Variants in ABCA12 observed in about 807,000 individuals in gnomAD.
The protein encoded by ABCA12 is glucosylceramide transporter ABCA12.
ABCA12 carries 156 observed loss-of-function variants against 293.5 expected under a neutral mutation model. The ratio of observed to expected loss-of-function variants is 0.53; its 90% CI spans 0.47 to 0.61. The LOEUF (loss-of-function observed/expected upper bound fraction) is 0.61, where lower values mean the gene tolerates loss of function less well. Among genes scored for constraint, ABCA12 ranks in the 20% least tolerant of loss-of-function variants. The probability of loss-of-function intolerance (pLI) is 0.00; values close to 1 mark genes in which losing one functional copy is unlikely to be tolerated. For missense variants in ABCA12, 2,797 were observed against 3,090.2 expected, an observed-to-expected ratio of 0.91 and a Z score of 2.25; for synonymous variants, 1,063 against 1,108.0, an observed-to-expected ratio of 0.96 and a Z score of 0.81.
chr2:214,937,514 A>G lies in ABCA12; in HGVS notation c.7538T>C (p.Leu2513Ser). 6.2e-7 allele frequency: 1 copy of G among 1,612,288 alleles called. No individual in the cohort carries two copies. Among genetic ancestry groups the G allele is most frequent in the East Asian group, 2.2e-5 (1 of 44,854 alleles). ...CACCCAGCCATCATCACTTACTTTT[A>G]AGTATGTTTTTGGAAAGTGCAGCTG... ...FMQLHFPKTY[L>S]KDQHLSMLEY... is the part of the protein sequence containing the mutation. The change falls in exon 51 of 53, where the codon TTA becomes TCA. Residue 2513 changes from leucine to serine, a missense_variant. Physicochemically the swap from Leu to Ser is moderately radical, Grantham distance 145. This residue lies in a region of ABCA12 where 2,130 missense variants were observed against 2,427.0 expected (regional missense o/e 0.88). Transcript: ENST00000272895.
chr2:215,011,449 G>A lies in ABCA12; in HGVS notation c.2322C>T (p.Pro774=), dbSNP rs1353098326. The A allele has an allele frequency of 1.9e-6, 3 of 1,608,426 alleles. No individual in the cohort carries two copies. Among genetic ancestry groups the A allele is most frequent in the Admixed American group, 3.3e-5 (2 of 59,938 alleles). ...KEQIASKYGI[P]INSTPFCFSL... is the part of the protein sequence containing the mutation. ...TTAAAGTATACTCACTGGAATTTAT[G>A]GGAATTCCATATTTTGAAGCAATTT... Residue 774 remains proline (P), a synonymous_variant, in exon 17 of 53, where the codon CCC becomes CCT. Coordinates refer to ENST00000272895, the MANE Select transcript of ABCA12 (RefSeq NM_173076.3).
At chr2:215,041,202 T>G (rs1701093189) in intron 7 of ABCA12, among the ~76,000 whole-genome samples, 1 of 151,968 alleles carries the variant, frequency 6.6e-6, no homozygotes, top group African/African-American at 2.4e-5. Context: ...CAGTTAAAAA[T>G]AAATAAAAAG....
At chr2:215,125,414 T>C (rs1702901271) in intron 1 of ABCA12, among the ~76,000 whole-genome samples, 1 of 152,230 alleles carries the variant, frequency 6.6e-6, no homozygotes, top group Non-Finnish European at 1.5e-5. Context: ...ATAATATTTA[T>C]TCTACCCATC....
In ABCA12 at chr2:214,989,457, T is replaced by C. The variant is rs202043787; in HGVS notation, c.3701A>G (p.Gln1234Arg). The C allele has an allele frequency of 5.6e-6, 9 of 1,613,658 alleles. No homozygotes were observed. In the African/African-American group the frequency reaches 8.0e-5, roughly 14 times the overall value. ...CGGGGAGGTGTACATATTTTCCCAC[T>C]GAAGACCTAAAAAGTGAACACAAGT... ...ARYEEQGIGL[Q>R]WENMYTSPVQ... The change falls in exon 26 of 53, where the codon CAG becomes CGG. Residue 1234 changes from glutamine (Q) to arginine (R), a missense_variant. This residue lies in a region of ABCA12 where 2,130 missense variants were observed against 2,427.0 expected (regional missense o/e 0.88). Coordinates refer to ENST00000272895, the MANE Select transcript of ABCA12 (RefSeq NM_173076.3).
chr2:215,092,892 C>T (rs1702176052), intron 2 of ABCA12, among the ~76,000 whole-genome samples: 1 of 152,216 alleles, frequency 6.6e-6, no homozygotes, highest in Non-Finnish European at 1.5e-5. Context: ...TTCGCTTTCA[C>T]TTGGACTGAC....
chr2:214,971,004 T>G (rs1699374731), intron 36 of ABCA12, among the ~76,000 whole-genome samples: 1 of 152,164 alleles, frequency 6.6e-6, no homozygotes, highest in Non-Finnish European at 1.5e-5. Context: ...AGAGTTCCTG[T>G]GTACCCTGGT....
chr2:215,005,488 G>A (rs1350584225), intron 19 of ABCA12, among the ~76,000 whole-genome samples: 1 of 152,214 alleles, frequency 6.6e-6, no homozygotes, highest in Non-Finnish European at 1.5e-5. Context: ...CATAGCTGCT[G>A]AGGGTTCTAA....
intron 18 of ABCA12, 23 bp downstream of exon 18, chr2:215,010,308 A>G: frequency 1.2e-6 from 2 of 1,613,300 alleles, no homozygotes; most frequent in Admixed American, 1.7e-5. Context: ...GTCAAAATAG[A>G]AACTGAGTTA....
At chr2:214,948,975 A>C in intron 46 of ABCA12, 65 bp downstream of exon 46, 1 of 1,398,796 alleles carries the variant, frequency 7.1e-7, no homozygotes, top group African/African-American at 1.4e-5. Context: ...TTAAATGTTC[A>C]TTTCAATTAT....
chr2:214,968,868 T>A, intron 37 of ABCA12, 61 bp from the exon 38 acceptor site: 1 of 1,471,786 alleles, frequency 6.8e-7, no homozygotes, highest in Non-Finnish European at 9.5e-7. Context: ...TAAATAGATC[T>A]AAAATACTTA....
At chr2:215,071,309 A>G (rs1701734321) in intron 2 of ABCA12, among the ~76,000 whole-genome samples, 1 of 152,120 alleles carries the variant, frequency 6.6e-6, no homozygotes, top group South Asian at 2.1e-4. Context: ...ATTTCATACA[A>G]GCTCCATGAC....
intron 2 of ABCA12, chr2:215,085,316 G>A (rs1443966884): frequency 1.3e-5 from 2 of 152,190 alleles, no homozygotes; most frequent in Middle Eastern, 3.4e-3. Flanking sequence ...AAAAAGATTT[G>A]GTGATAGGTT....
rs1276870263 is a variant in ABCA12 at position 214,957,825 on chromosome 2, G to A, written c.6117+452C>T. 6.6e-5 allele frequency among the ~76,000 whole-genome samples: 10 copies of A among 152,098 alleles called. 1 individual carries two copies. Among genetic ancestry groups the A allele is most frequent in the Non-Finnish European group, 1.3e-4 (9 of 68,020 alleles). Reference sequence around the variant, plus strand: ...TGTCATTAGCAGGGGCTACTACTTCGCATTTTCCACTATTAGTTGATTAAA... The same window carrying A: ...TGTCATTAGCAGGGGCTACTACTTCACATTTTCCACTATTAGTTGATTAAA... On this transcript the variant is annotated intron_variant, in intron 41 of 52. Transcript: ENST00000272895.
intron 1 of ABCA12, among the ~76,000 whole-genome samples, chr2:215,120,950 T>G (rs574977793): frequency 6.6e-6 from 1 of 152,318 alleles, no homozygotes; most frequent in African/African-American, 2.4e-5. Context: ...TTCCCCAGGA[T>G]GAATTCTTGT....
At chr2:215,083,233 C>A (rs1270258419) in intron 2 of ABCA12, among the ~76,000 whole-genome samples, 1 of 152,220 alleles carries the variant, frequency 6.6e-6, no homozygotes. Context: ...ATAGAAATTA[C>A]TGCCTGTTAG....
intron 33 of ABCA12, among the ~76,000 whole-genome samples, chr2:214,977,501 G>A (rs1324238316): frequency 6.6e-6 from 1 of 152,120 alleles, no homozygotes; most frequent in Admixed American, 6.6e-5. Context: ...TGTTCCTAGA[G>A]ATTTTTTTCT....
rs770238142 is a variant in ABCA12, at chr2:214,975,823, G to A, written c.5343C>T (p.Pro1781=). 2.5e-6 allele frequency: 4 copies of A among 1,613,980 alleles called. No homozygotes were observed. Among genetic ancestry groups the A allele is most frequent in the Middle Eastern group, 1.6e-4 (1 of 6,084 alleles). ...SNSYPEIQIS[P]SLYGTSEQTA... ...TCTGTTCGGAGGTACCATAAAGAGA[G>A]GGGGAGATCTGAATCTCTGGATAAC... The change falls in exon 34 of 53, where the codon CCC becomes CCT. Residue 1781 remains proline, a synonymous_variant. Transcript: ENST00000272895.
intron 1 of ABCA12, among the ~76,000 whole-genome samples, chr2:215,123,242 C>T (rs1394383561): frequency 6.6e-6 from 1 of 152,008 alleles, no homozygotes; most frequent in South Asian, 2.1e-4. Flanking sequence ...GGCGCAATCT[C>T]GGCTCACTGC....
In ABCA12 at chr2:215,129,596, ATTTG is replaced by A. The variant is rs575506874; in HGVS notation, c.69+8540_69+8543del. On this transcript the variant is annotated intron_variant, in intron 1 of 52. Coordinates refer to ENST00000272895, the MANE Select transcript of ABCA12 (RefSeq NM_173076.3). ...GGGGTTGTTCGTTTTCTTTCTGTTG[ATTTG>A]TTTGAGTTCGTTATAGATTCTAGAT... Among the ~76,000 whole-genome samples, 575 of 151,944 alleles carry A rather than the reference ATTTG, an allele frequency of 3.8e-3. 7 individuals carry two copies. Among genetic ancestry groups the A allele is most frequent in the African/African-American group, 0.013 (533 of 41,434 alleles).
Sources: allele counts gnomAD v4.1 joint callset (sites outside exome capture counted in the v4.1 genomes callset), GRCh38; gene constraint gnomAD v4.1.1; regional missense constraint gnomAD v4.1.1; transcripts MANE v1.5; gene names NCBI Gene and HGNC (gene_info 2026-07-23, HGNC 2026-07-21).